BLK: variants seen among roughly 807,000 people sequenced by gnomAD.
BLK encodes the protein tyrosine-protein kinase Blk.
BLK carries 64 observed loss-of-function variants against 61.8 expected under a neutral mutation model. The observed-to-expected ratio is 1.03, with a 90% CI of 0.85 to 1.27. BLK has a LOEUF of 1.27. Ranked by LOEUF, BLK falls within the 50% of genes most tolerant of loss-of-function variation. The probability of loss-of-function intolerance (pLI) is 0.00; values close to 1 mark genes in which losing one functional copy is unlikely to be tolerated. For missense variants in BLK, 853 were observed against 660.5 expected (o/e 1.29, Z -3.19); for synonymous variants, 351 against 272.0 (o/e 1.29, Z -2.86).
chr8:11,508,129 G>A (rs1191578882), intron 1 of BLK, among the ~76,000 whole-genome samples: 1 of 152,196 alleles, frequency 6.6e-6, no homozygotes, highest in African/African-American at 2.4e-5. Context: ...GAGCCAAAGT[G>A]CAGGCTCAGG....
intron 1 of BLK, among the ~76,000 whole-genome samples, chr8:11,532,488 G>A (rs896566891): frequency 6.6e-6 from 1 of 151,988 alleles, no homozygotes; most frequent in Admixed American, 6.6e-5. Context: ...TGGGATTACA[G>A]GCATGAGCCG....
chr8:11,532,295 C>T (rs1464435090), intron 1 of BLK, among the ~76,000 whole-genome samples: 2 of 151,504 alleles, frequency 1.3e-5, no homozygotes, highest in African/African-American at 2.4e-5. Context: ...GCCTCCCAGG[C>T]TCAAGCAATT....
chr8:11,501,504 A>G (rs1798559904), intron 1 of BLK, among the ~76,000 whole-genome samples: 1 of 152,210 alleles, frequency 6.6e-6, no homozygotes, highest in South Asian at 2.1e-4. Flanking sequence ...GATGAAGAGC[A>G]TGGCGTCCTG....
intron 10 of BLK, chr8:11,558,878 C>G (rs1284046759): frequency 2.0e-5 from 9 of 456,002 alleles, no homozygotes; most frequent in Admixed American, 1.4e-4. Flanking sequence ...CCGCCCACAT[C>G]AGCCCTCCCA....
intron 9 of BLK, among the ~76,000 whole-genome samples, chr8:11,557,365 TG>T (rs1216209322): frequency 6.6e-6 from 1 of 152,156 alleles, no homozygotes; most frequent in African/African-American, 2.4e-5. Context: ...GATCCTAACA[TG>T]CCCATGTTGA....
intron 12 of BLK, 94 bp downstream of exon 12, chr8:11,563,204 C>A: frequency 8.3e-6 from 13 of 1,568,908 alleles, no homozygotes; most frequent in Non-Finnish European, 1.1e-5. Flanking sequence ...CTGCCCTGTT[C>A]TTTTCAGAGT....
chr8:11,546,796 A>T (rs2244829), intron 3 of BLK, among the ~76,000 whole-genome samples: 15 of 152,300 alleles, frequency 9.8e-5, no homozygotes, highest in South Asian at 8.3e-4. Flanking sequence ...GATTGGTCTT[A>T]AACTCCTGAC....
intron 10 of BLK, among the ~76,000 whole-genome samples, chr8:11,559,550 C>T (rs1801391372): frequency 6.6e-6 from 1 of 152,136 alleles, no homozygotes; most frequent in Non-Finnish European, 1.5e-5. Flanking sequence ...AACTTACACA[C>T]ACATGAGCAG....
At chr8:11,552,033 A>T (rs1393971372) in intron 6 of BLK, among the ~76,000 whole-genome samples, 1 of 152,190 alleles carries the variant, frequency 6.6e-6, no homozygotes, top group Non-Finnish European at 1.5e-5. Flanking sequence ...ACTGGAGAGG[A>T]GATGGTGACA....
At chr8:11,542,351 C>T (rs1003718354) in intron 1 of BLK, among the ~76,000 whole-genome samples, 1 of 152,216 alleles carries the variant, frequency 6.6e-6, no homozygotes, top group African/African-American at 2.4e-5. Context: ...TAACAACACG[C>T]CCTTCTGACA....
At chr8:11,522,669 A>T (rs1291077296) in intron 1 of BLK, among the ~76,000 whole-genome samples, 1 of 151,136 alleles carries the variant, frequency 6.6e-6, no homozygotes, top group East Asian at 1.9e-4. Context: ...ATAGAAAAGG[A>T]TACAGTAAAA....
intron 1 of BLK, among the ~76,000 whole-genome samples, chr8:11,517,778 C>T (rs1312172844): frequency 1.3e-5 from 2 of 152,186 alleles, no homozygotes; most frequent in South Asian, 4.1e-4. Flanking sequence ...CATGGTGCAG[C>T]CCTGGTGCTG....
At position 11,554,874 on chromosome 8, in the gene BLK, G is replaced by T. The variant is rs1457279876; in HGVS notation, c.604G>T (p.Val202Leu). The T allele has an allele frequency of 1.9e-6, 3 of 1,613,374 alleles. No homozygotes were observed. The highest frequency in any genetic ancestry group is 1.1e-5 in the South Asian group (1 of 91,050). ...CACCTTCCCCTCGCTCCAGGCCCTG[G>T]TGCAGCACTATTCTAGTAAGAGGGG... ...RITFPSLQAL[V>L]QHYSKKGDGL... Residue 202 changes from valine (V) to leucine (L), a missense_variant, in exon 7 of 13, where the codon GTG becomes TTG. Val to Leu is a conservative substitution (Grantham distance 32). Transcript: ENST00000259089.
At chr8:11,553,498 C>T (rs554773012) in intron 6 of BLK, 1 of 340,140 alleles carries the variant, frequency 2.9e-6, no homozygotes, top group African/African-American at 2.2e-5. Context: ...AGTGAGGGGT[C>T]TAAAGCACCA....
At chr8:11,499,922 A>G (rs1239894989) in intron 1 of BLK, among the ~76,000 whole-genome samples, 1 of 151,522 alleles carries the variant, frequency 6.6e-6, no homozygotes, top group East Asian at 1.9e-4. Context: ...ATCCTGTTGT[A>G]TTGTATGTAT....
At chr8:11,558,690 A>G (rs1365943493) in intron 10 of BLK, 2 of 456,086 alleles carry the variant, frequency 4.4e-6, no homozygotes, top group African/African-American at 4.0e-5. Context: ...TGAAGAGCAG[A>G]GTGGAGAGGA....
intron 1 of BLK, among the ~76,000 whole-genome samples, chr8:11,526,294 T>G (rs186346544): frequency 1.4e-4 from 21 of 152,358 alleles, no homozygotes; most frequent in Admixed American, 2.0e-4. Context: ...AAATAATATA[T>G]TTAAATGTTT....
At chr8:11,559,800 C>T (rs1025710696) in intron 10 of BLK, 5 of 456,136 alleles carry the variant, frequency 1.1e-5, no homozygotes. Context: ...GAATCCTTAT[C>T]ATCATCCATG....
At chr8:11,513,216 A>G (rs1318562444) in intron 1 of BLK, among the ~76,000 whole-genome samples, 1 of 152,164 alleles carries the variant, frequency 6.6e-6, no homozygotes, top group Non-Finnish European at 1.5e-5. Context: ...CACCACACGC[A>G]GTTGGCTGAT....
Sources: gnomAD v4.1 joint callset for allele counts (sites outside exome capture counted in the v4.1 genomes callset) on GRCh38, gnomAD v4.1.1 for gene constraint, MANE v1.5 for transcripts, NCBI Gene and HGNC (gene_info 2026-07-23, HGNC 2026-07-21) for gene names.